Variants in KDM6B observed in about 807,000 individuals in gnomAD.
The protein encoded by KDM6B is lysine demethylase 6B, also known as lysine-specific demethylase 6B.
In KDM6B, 22 loss-of-function variants were observed where a neutral mutation model predicts 150.4. The observed-to-expected ratio is 0.15, with a 90% confidence interval of 0.10 to 0.21. The LOEUF is 0.21. Ranked by LOEUF, KDM6B falls within the 10% of genes least tolerant of loss-of-function variation. KDM6B has a pLI of 1.00. For synonymous variants in KDM6B, 1,148 were observed against 921.1 expected (o/e 1.25, Z -4.46); for missense variants, 1,984 against 2,234.3 (o/e 0.89, Z 2.26).
At position 7,848,243 on chromosome 17, in the gene KDM6B, C is replaced by T. The variant is rs766129551; in HGVS notation, c.1955C>T (p.Ala652Val). Reference sequence around the variant, plus strand: ...CCACCCCCAGGCCCCCTGAGTAAAGCCCCCCAGCCTGTGCCGCCCGGGGTT... The same window carrying T: ...CCACCCCCAGGCCCCCTGAGTAAAGTCCCCCAGCCTGTGCCGCCCGGGGTT... ...PGPPPGPLSKAPQPVPPGVGE... is the reference protein window; with the variant it reads ...PGPPPGPLSKVPQPVPPGVGE... The change falls in exon 12 of 24, where the codon GCC becomes GTC. Residue 652 changes from alanine (A) to valine (V), a missense_variant. Coordinates refer to ENST00000448097, the MANE Select transcript of KDM6B (RefSeq NM_001348716.2). The T allele has an allele frequency of 1.2e-6, 2 of 1,611,446 alleles. No individual in the cohort carries two copies. Among genetic ancestry groups the T allele is most frequent in the African/African-American group, 1.3e-5 (1 of 74,754 alleles).
At position 7,851,344 on chromosome 17, in the gene KDM6B, TGAGGATGAGGAGTCA is replaced by T; in HGVS notation, c.3900_3914del (p.Asp1300_Glu1304del). On this transcript the variant is annotated inframe_deletion, in exon 16 of 24. Coordinates refer to ENST00000448097, the MANE Select transcript of KDM6B (RefSeq NM_001348716.2). ...TGGCTGAACAGGAGGAGAAGGAGAG[TGAGGATGAGGAGTCA>T]GAGGAGCCAGACAGCACCACTGGAA... 1.9e-6 allele frequency: 3 copies of T among 1,613,424 alleles called. No homozygotes were observed. The highest frequency in any genetic ancestry group is 2.5e-6 in the Non-Finnish European group (3 of 1,179,862).
At position 7,849,415 on chromosome 17, in the gene KDM6B, A is replaced by G. The variant is rs1329327145; in HGVS notation, c.3127A>G (p.Lys1043Glu). 2 of 1,611,722 alleles carry G rather than the reference A, an allele frequency of 1.2e-6. No homozygotes were observed. The highest frequency in any genetic ancestry group is 1.7e-6 in the Non-Finnish European group (2 of 1,179,596). ...KSRPDLGGAS[K>E]AKPPTAPAPP... ...CCGGCCCGATCTTGGCGGGGCCTCC[A>G]AGGCCAAGCCACCCACAGCTCCAGC... The change falls in exon 12 of 24, where the codon AAG (lysine) becomes GAG (glutamate). Residue 1043 changes from lysine (K) to glutamate (E), a missense_variant. Around this residue, in one of 13 missense-constraint regions of KDM6B, gnomAD observed 1,379 missense variants for 1,275.6 expected, o/e 1.08. Transcript: ENST00000448097.
chr17:7,846,371 G>GGGGGGGGGCCGGGGGGCC, intron 7 of KDM6B, 29 bp from the exon 8 acceptor site: 1 of 1,488,922 alleles, frequency 6.7e-7, no homozygotes, highest in Non-Finnish European at 9.2e-7. Flanking sequence ...CCTGACATCT[G>GGGGGGGGGCCGGGGGGCC]CCCCTGCCCC....
At position 7,840,015 on chromosome 17, in the gene KDM6B, A is replaced by T. The variant is rs1032164767; in HGVS notation, c.-278A>T. 2.0e-5 allele frequency: 3 copies of T among 152,148 alleles called. No individual in the cohort carries two copies. The highest frequency in any genetic ancestry group is 2.9e-5 in the Non-Finnish European group (2 of 67,920). 9.4% of individuals were successfully genotyped at this position (152,148 alleles called of 1,614,324 possible). On this transcript the variant is annotated 5_prime_UTR_variant, in exon 2 of 24. Transcript: ENST00000448097. Reference sequence around the variant, plus strand: ...GTTCCAATGAGACAGGGCACACCAAACTCCATCTGGTAAGTCCTGTCTGAG... The same window carrying T: ...GTTCCAATGAGACAGGGCACACCAATCTCCATCTGGTAAGTCCTGTCTGAG...
intron 20 of KDM6B, 71 bp from the exon 21 acceptor site, chr17:7,852,422 TGA>T: frequency 7.8e-7 from 1 of 1,289,296 alleles, no homozygotes; most frequent in East Asian, 2.6e-5. Context: ...CCGCCAGCAG[TGA>T]GGGAAGGGGC....
intron 1 of KDM6B, among the ~76,000 whole-genome samples, chr17:7,835,842 C>T (rs1232911010): frequency 6.6e-6 from 1 of 152,016 alleles, no homozygotes; most frequent in Non-Finnish European, 1.5e-5. Context: ...TGTAAAGCCG[C>T]CTGAGGCTGC....
Position 7,846,462 on chromosome 17 carries a change from G to A in KDM6B, c.519G>A (p.Leu173=). The A allele has an allele frequency of 6.3e-7, 1 of 1,577,710 alleles. No homozygotes were observed. Among genetic ancestry groups the A allele is most frequent in the Non-Finnish European group, 8.6e-7 (1 of 1,159,274 alleles). Residue 173 remains leucine (L), a synonymous_variant, in exon 8 of 24, where the codon CTG becomes CTA. Coordinates refer to ENST00000448097, the MANE Select transcript of KDM6B (RefSeq NM_001348716.2). ...CQHRAKVLPP[L]EQVWNLLHLE... Reference sequence around the variant, plus strand: ...ACCGAGCCAAGGTCCTGCCCCCACTGGAGCAAGTGTGGAACTTGCTACACC... The same window carrying A: ...ACCGAGCCAAGGTCCTGCCCCCACTAGAGCAAGTGTGGAACTTGCTACACC...
chr17:7,840,631 C>T (rs879333967), intron 2 of KDM6B: 11 of 152,190 alleles, frequency 7.2e-5, no homozygotes, highest in Admixed American at 2.0e-4. Context: ...TTTCCCATTC[C>T]TTTGTAGGAG....
In KDM6B at chr17:7,843,353, GA is replaced by G. The variant is rs1478053371; in HGVS notation, c.-268-1547del. On this transcript the variant is annotated intron_variant, in intron 2 of 23. Transcript: ENST00000448097. This position sits in a 1 kb window ranked among gnomAD's most constrained non-coding sequence, Gnocchi z 4.5. ...ACCTGGCTTGGTTACTGATGGAAAG[GA>G]TGCTGCCTCTAGTGAGGAGAGAGTT... Among the ~76,000 whole-genome samples, 1 of 152,158 alleles carries G rather than the reference GA, an allele frequency of 6.6e-6. No individual in the cohort carries two copies. The highest frequency in any genetic ancestry group is 1.5e-5 in the Non-Finnish European group (1 of 68,030).
Position 7,843,326 on chromosome 17 carries a change from G to A in KDM6B, c.-268-1575G>A, listed in dbSNP as rs541022904. Among the ~76,000 whole-genome samples the A allele has an allele frequency of 4.3e-4, 66 of 152,262 alleles. 1 individual carries two copies. The highest frequency in any genetic ancestry group is 1.4e-3 in the African/African-American group (59 of 41,544). On this transcript the variant is annotated intron_variant, in intron 2 of 23. Transcript: ENST00000448097. The surrounding 1 kb of genome is among the most constrained non-coding windows in gnomAD (Gnocchi z 4.5). The stretch of plus-strand genomic sequence containing the variant: ...CCATACTTGACCACAGTTCAGCGCC[G>A]TACCTGGCTTGGTTACTGATGGAAA...
At position 7,843,722 on chromosome 17, in the gene KDM6B, C is replaced by G. The variant is rs949813702; in HGVS notation, c.-268-1179C>G. Among the ~76,000 whole-genome samples, 1 of 152,110 alleles carries G rather than the reference C, an allele frequency of 6.6e-6. No homozygotes were observed. The highest frequency in any genetic ancestry group is 2.4e-5 in the African/African-American group (1 of 41,428). Reference sequence around the variant, plus strand: ...GGCTTTGTACTCGACACTCGCCTCTCGCTGCTCTTTGTACTCTAGACTCTC... The same window carrying G: ...GGCTTTGTACTCGACACTCGCCTCTGGCTGCTCTTTGTACTCTAGACTCTC... On this transcript the variant is annotated intron_variant, in intron 2 of 23. Coordinates refer to ENST00000448097, the MANE Select transcript of KDM6B (RefSeq NM_001348716.2). This position sits in a 1 kb window ranked among gnomAD's most constrained non-coding sequence, Gnocchi z 4.5.
intron 1 of KDM6B, among the ~76,000 whole-genome samples, chr17:7,839,207 T>C (rs924915250): frequency 6.6e-6 from 1 of 152,142 alleles, no homozygotes; most frequent in Non-Finnish European, 1.5e-5. Context: ...GCTTCTTGTC[T>C]ATGAGGGTTG....
intron 21 of KDM6B, 119 bp downstream of exon 21, chr17:7,852,755 GT>G: frequency 6.9e-7 from 1 of 1,451,600 alleles, no homozygotes; most frequent in Non-Finnish European, 9.6e-7. Flanking sequence ...TGCCCCGAGT[GT>G]TACTGTGTTG....
At chr17:7,841,155 G>A (rs184546965) in intron 2 of KDM6B, among the ~76,000 whole-genome samples, 19 of 152,304 alleles carry the variant, frequency 1.2e-4, no homozygotes, top group Admixed American at 2.0e-4. Context: ...TTTTGGGGAG[G>A]AGTAAAAGAA....
At position 7,852,169 on chromosome 17, in the gene KDM6B, C is replaced by T. The variant is rs1401991604; in HGVS notation, c.4301C>T (p.Thr1434Met). The T allele has an allele frequency of 1.2e-6, 2 of 1,614,122 alleles. No individual in the cohort carries two copies. The change falls in exon 20 of 24, where the codon ACG becomes ATG. Residue 1434 changes from threonine to methionine, a missense_variant. Transcript: ENST00000448097. ...FCDRHGVDYL[T>M]GSWWPILDDL... ...CGCAGGCACGGCGTGGACTACTTGACGGGTTCCTGGTGGCCAATCCTGGAT... is the reference window on the plus strand; with the variant it reads ...CGCAGGCACGGCGTGGACTACTTGATGGGTTCCTGGTGGCCAATCCTGGAT...
Position 7,834,425 on chromosome 17 carries a change from T to C in KDM6B, c.-388+75T>C, listed in dbSNP as rs376048050. ...CAGCAGGGCAGGACGCCTGAGTCTC[T>C]GGAGGGGTAGAGCTGGGGATGGACG... On this transcript the variant is annotated intron_variant, in intron 1 of 23. Coordinates refer to ENST00000448097, the MANE Select transcript of KDM6B (RefSeq NM_001348716.2). 6.6e-5 allele frequency among the ~76,000 whole-genome samples: 10 copies of C among 151,998 alleles called. No individual in the cohort carries two copies. The East Asian group carries it at 7.8e-4, about 12-fold the overall frequency.
At chr17:7,850,382 T>G (rs917122051) in intron 14 of KDM6B, among the ~76,000 whole-genome samples, 1 of 152,196 alleles carries the variant, frequency 6.6e-6, no homozygotes, top group Non-Finnish European at 1.5e-5. Context: ...AGGGCCTGAT[T>G]AGTCATTTCT....
rs1224178298 is a variant in KDM6B, at chr17:7,854,240, G to C, written c.*719G>C. 4 of 151,208 alleles carry C rather than the reference G, an allele frequency of 2.6e-5. No homozygotes were observed. Among genetic ancestry groups the C allele is most frequent in the African/African-American group, 9.8e-5 (4 of 40,812 alleles). 9.4% of individuals were successfully genotyped at this position (151,208 alleles called of 1,614,324 possible). On this transcript the variant is annotated 3_prime_UTR_variant, in exon 24 of 24. Coordinates refer to ENST00000448097, the MANE Select transcript of KDM6B (RefSeq NM_001348716.2). ...CCGGCCCGACCGTCTCCACCCGTCCGCCCGCGGCTCCAGCCGGGTTCTCAT... is the reference window on the plus strand; with the variant it reads ...CCGGCCCGACCGTCTCCACCCGTCCCCCCGCGGCTCCAGCCGGGTTCTCAT...
intron 21 of KDM6B, 35 bp downstream of exon 21, chr17:7,852,671 C>A (rs761912555): frequency 6.2e-7 from 1 of 1,613,192 alleles, no homozygotes; most frequent in Non-Finnish European, 8.5e-7. Context: ...CCCACCTCCA[C>A]TGACTGGTCC....
Sources: allele counts gnomAD v4.1 joint callset (sites outside exome capture counted in the v4.1 genomes callset), GRCh38; gene constraint gnomAD v4.1.1; regional missense constraint gnomAD v4.1.1; non-coding constraint Gnocchi (gnomAD v3.1); transcripts MANE v1.5; gene names NCBI Gene and HGNC (gene_info 2026-07-23, HGNC 2026-07-21).